Variants in CBFA2T2 observed in about 807,000 individuals in gnomAD.
CBFA2T2 encodes the protein CBFA2/RUNX1 partner transcriptional co-repressor 2.
CBFA2T2 carries 11 observed loss-of-function variants against 62.2 expected under a neutral mutation model. The ratio of observed to expected loss-of-function variants is 0.18; its 90% CI spans 0.11 to 0.29. CBFA2T2 has a LOEUF of 0.29. Among genes scored for constraint, CBFA2T2 ranks in the 10% least tolerant of loss-of-function variants. The pLI, the probability that CBFA2T2 is intolerant of heterozygous loss-of-function variation, is 1.00. For missense variants in CBFA2T2, 592 were observed against 774.1 expected (o/e 0.76, Z 2.79); for synonymous variants, 295 against 287.5 (o/e 1.03, Z -0.27).
At chr20:33,534,241 A>G (rs1188172421) in intron 1 of CBFA2T2, among the ~76,000 whole-genome samples, 3 of 152,128 alleles carry the variant, frequency 2.0e-5, no homozygotes, top group Non-Finnish European at 2.9e-5. Context: ...CTTACCATCT[A>G]TATATCTTCT....
At chr20:33,628,199 T>C (rs2016316337) in intron 6 of CBFA2T2, 151 bp from the exon 7 acceptor site, 1 of 613,142 alleles carries the variant, frequency 1.6e-6, no homozygotes, top group South Asian at 2.0e-5. Context: ...GTTGGTTATA[T>C]TGTCATTTTG....
Position 33,624,750 on chromosome 20 carries a change from T to C in CBFA2T2, c.693-14T>C, listed in dbSNP as rs2016150891. 3 of 1,613,430 alleles carry C rather than the reference T, an allele frequency of 1.9e-6. No homozygotes were observed. The highest frequency in any genetic ancestry group is 2.5e-6 in the Non-Finnish European group (3 of 1,179,520). ...GTTGACAGGATCAGATACGCACTTCTGCTTCTTCTACAGGAGAGAAGAGAA... is the reference window on the plus strand; with the variant it reads ...GTTGACAGGATCAGATACGCACTTCCGCTTCTTCTACAGGAGAGAAGAGAA... On this transcript the variant is annotated splice_polypyrimidine_tract_variant and intron_variant, in intron 5 of 10. Coordinates refer to ENST00000342704, the MANE Select transcript of CBFA2T2 (RefSeq NM_001032999.3).
At chr20:33,493,161 C>T (rs1374320374) in intron 1 of CBFA2T2, among the ~76,000 whole-genome samples, 2 of 149,928 alleles carry the variant, frequency 1.3e-5, no homozygotes, top group African/African-American at 2.5e-5. Flanking sequence ...CTGCAACCTC[C>T]GCCTCCTGGG....
At chr20:33,506,505 G>A (rs2011406291) in intron 1 of CBFA2T2, among the ~76,000 whole-genome samples, 2 of 152,276 alleles carry the variant, frequency 1.3e-5, no homozygotes, top group East Asian at 1.9e-4. Context: ...CAGGGATTGC[G>A]CTAAGTGCCA....
rs1428936266 is a variant in CBFA2T2, at chr20:33,649,417, C to T, written c.*4771C>T. The T allele has an allele frequency of 6.5e-6, 1 of 152,698 alleles. No homozygotes were observed. Among genetic ancestry groups the T allele is most frequent in the Non-Finnish European group, 1.5e-5 (1 of 68,060 alleles). The allele number at this position is 152,698 out of a possible 1,614,324, so 9.5% of individuals were successfully genotyped here. Reference sequence around the variant, plus strand: ...CCTCGGGCATCGACGTGCTCATTTCCAAAGATGATGGTGCAGGTGACCTTT... The same window carrying T: ...CCTCGGGCATCGACGTGCTCATTTCTAAAGATGATGGTGCAGGTGACCTTT... On this transcript the variant is annotated 3_prime_UTR_variant, in exon 11 of 11. Transcript: ENST00000342704.
chr20:33,588,228 T>A (rs1326596427), intron 1 of CBFA2T2, among the ~76,000 whole-genome samples: 1 of 152,130 alleles, frequency 6.6e-6, no homozygotes, highest in African/African-American at 2.4e-5. Flanking sequence ...GGTATGTAGC[T>A]ATTTTAAAGT....
At chr20:33,630,622 GTTA>G (rs1027124746) in intron 8 of CBFA2T2, among the ~76,000 whole-genome samples, 1 of 152,170 alleles carries the variant, frequency 6.6e-6, no homozygotes, top group African/African-American at 2.4e-5. Flanking sequence ...GCAAACCTCA[GTTA>G]TTCCCCTCAA....
intron 4 of CBFA2T2, among the ~76,000 whole-genome samples, chr20:33,622,761 C>T (rs1601084574): frequency 1.3e-5 from 2 of 152,306 alleles, no homozygotes; most frequent in Admixed American, 6.5e-5. Context: ...ATGACTCCCA[C>T]ATAGGCAGTA....
chr20:33,521,244 G>A (rs933151584), intron 1 of CBFA2T2, among the ~76,000 whole-genome samples: 1 of 152,052 alleles, frequency 6.6e-6, no homozygotes, highest in Non-Finnish European at 1.5e-5. Flanking sequence ...TTATGAAGCC[G>A]TGATGGCTAG....
Position 33,649,183 on chromosome 20 carries a change from T to C in CBFA2T2, c.*4537T>C, listed in dbSNP as rs1291427497. On this transcript the variant is annotated 3_prime_UTR_variant, in exon 11 of 11. Transcript: ENST00000342704. ...CTTAGATTTTTTTTTTTAAGCTGTT[T>C]GCAGAAAACTGGGTGGTAGCGTGTC... The C allele has an allele frequency of 6.6e-6, 1 of 152,114 alleles. No individual in the cohort carries two copies. Among genetic ancestry groups the C allele is most frequent in the Non-Finnish European group, 1.5e-5 (1 of 68,022 alleles). The allele number at this position is 152,114 out of a possible 1,614,324, so 9.4% of individuals were successfully genotyped here.
At chr20:33,540,993 A>G (rs759933388) in intron 1 of CBFA2T2, among the ~76,000 whole-genome samples, 7 of 152,240 alleles carry the variant, frequency 4.6e-5, no homozygotes, top group African/African-American at 7.2e-5. Flanking sequence ...TAATAAGTTA[A>G]TAAAGTAATT....
At chr20:33,574,627 A>C (rs546792891) in intron 1 of CBFA2T2, among the ~76,000 whole-genome samples, 2 of 152,366 alleles carry the variant, frequency 1.3e-5, no homozygotes, top group South Asian at 2.1e-4. Context: ...CCATCTCAAA[A>C]AAACAAACAA....
At chr20:33,632,471 C>CTTTTT (rs60957531) in intron 8 of CBFA2T2, among the ~76,000 whole-genome samples, 4 of 137,870 alleles carry the variant, frequency 2.9e-5, no homozygotes, top group Non-Finnish European at 4.7e-5. Context: ...TCACCAATGA[C>CTTTTT]TTTTTTTTTT....
At chr20:33,494,243 G>GTATATA (rs869164142) in intron 1 of CBFA2T2, among the ~76,000 whole-genome samples, 44 of 30,278 alleles carry the variant, frequency 1.5e-3, no homozygotes, top group Admixed American at 4.5e-3. Context: ...ATATATATGT[G>GTATATA]TATATATATA....
At chr20:33,571,732 G>C (rs1340765516) in intron 1 of CBFA2T2, among the ~76,000 whole-genome samples, 3 of 152,174 alleles carry the variant, frequency 2.0e-5, no homozygotes, top group African/African-American at 7.2e-5. Context: ...AATTCTTGGA[G>C]AATCTGTAAG....
At chr20:33,546,665 T>G (rs2012579860) in intron 1 of CBFA2T2, among the ~76,000 whole-genome samples, 1 of 151,774 alleles carries the variant, frequency 6.6e-6, no homozygotes. Flanking sequence ...TAGAGATTTA[T>G]TTTTTGTATT....
Position 33,645,927 on chromosome 20 carries a change from A to T in CBFA2T2, c.*1281A>T, listed in dbSNP as rs1392490541. The T allele has an allele frequency of 6.6e-6, 1 of 152,106 alleles. No individual in the cohort carries two copies. Among genetic ancestry groups the T allele is most frequent in the African/African-American group, 2.4e-5 (1 of 41,406 alleles). The allele number at this position is 152,106 out of a possible 1,614,324, so 9.4% of individuals were successfully genotyped here. ...TCCTAGCTTCCCATTTTCAAATGGG[A>T]CATCACTCATATCCCTTTCAGAATG... On this transcript the variant is annotated 3_prime_UTR_variant, in exon 11 of 11. Coordinates refer to ENST00000342704, the MANE Select transcript of CBFA2T2 (RefSeq NM_001032999.3).
intron 1 of CBFA2T2, among the ~76,000 whole-genome samples, chr20:33,532,420 A>T (rs2012087291): frequency 6.6e-6 from 1 of 152,188 alleles, no homozygotes; most frequent in South Asian, 2.1e-4. Context: ...ATAGCAGCAT[A>T]CCCGATCTAC....
intron 1 of CBFA2T2, among the ~76,000 whole-genome samples, chr20:33,576,845 C>G (rs1568829001): frequency 6.6e-6 from 1 of 152,254 alleles, no homozygotes; most frequent in South Asian, 2.1e-4. Flanking sequence ...TTAAACCGTT[C>G]CAAGTGTATA....
Sources: gnomAD v4.1 joint callset for allele counts (sites outside exome capture counted in the v4.1 genomes callset) on GRCh38, gnomAD v4.1.1 for gene constraint, MANE v1.5 for transcripts, NCBI Gene and HGNC (gene_info 2026-07-23, HGNC 2026-07-21) for gene names.